ACTR3: variants seen among roughly 807,000 people sequenced by gnomAD.
ACTR3 encodes the protein actin-related protein 3.
Under a neutral mutation model 56.8 loss-of-function variants are expected in ACTR3, and 12 were observed. That is an observed-to-expected ratio of 0.21 (90% CI 0.14 to 0.34). The LOEUF is 0.34. Among genes scored for constraint, ACTR3 ranks in the 10% least tolerant of loss-of-function variants. ACTR3 has a pLI of 1.00. For missense variants in ACTR3, 282 were observed against 512.5 expected (o/e 0.55, Z 4.34); for synonymous variants, 162 against 167.4 (o/e 0.97, Z 0.25).
chr2:113,955,458 A>G (rs1439983310), intron 10 of ACTR3, 165 bp from the exon 11 acceptor site: 1 of 549,296 alleles, frequency 1.8e-6, no homozygotes, highest in East Asian at 3.1e-5. Flanking sequence ...CAGTGTTCCC[A>G]ACCCCTTTCC....
At chr2:113,951,298 A>G (rs1680116832) in intron 8 of ACTR3, 181 bp from the exon 9 acceptor site, 1 of 517,208 alleles carries the variant, frequency 1.9e-6, no homozygotes, top group South Asian at 2.7e-5. Flanking sequence ...AAAATGGTAT[A>G]TATCATCATA....
At chr2:113,937,537 C>CTTATAG (rs1285530752) in intron 6 of ACTR3, among the ~76,000 whole-genome samples, 1 of 152,208 alleles carries the variant, frequency 6.6e-6, no homozygotes, top group Non-Finnish European at 1.5e-5. Context: ...TAGTGCTGAT[C>CTTATAG]TGCTGGCTTT....
chr2:113,891,262 T>A (rs1265409497), intron 1 of ACTR3, among the ~76,000 whole-genome samples: 1 of 152,202 alleles, frequency 6.6e-6, no homozygotes, highest in Non-Finnish European at 1.5e-5. Flanking sequence ...ATTTAAGTTG[T>A]ATTCGTTCAT....
At chr2:113,931,945 T>C (rs1364173472) in intron 5 of ACTR3, among the ~76,000 whole-genome samples, 1 of 152,002 alleles carries the variant, frequency 6.6e-6, no homozygotes, top group African/African-American at 2.4e-5. Context: ...ACAAATGCTT[T>C]ATATGTGTAT....
At chr2:113,893,360 C>G (rs1296772850) in intron 1 of ACTR3, among the ~76,000 whole-genome samples, 1 of 151,994 alleles carries the variant, frequency 6.6e-6, no homozygotes, top group Non-Finnish European at 1.5e-5. Context: ...GTGGCACGAT[C>G]TCGGCTCACT....
chr2:113,957,073 A>G (rs866002508), intron 11 of ACTR3, among the ~76,000 whole-genome samples: 1 of 152,204 alleles, frequency 6.6e-6, no homozygotes, highest in African/African-American at 2.4e-5. Context: ...CAGACTGGAC[A>G]TTTGAGAACC....
chr2:113,952,942 T>C (rs534279488), intron 10 of ACTR3: 67 of 152,276 alleles, frequency 4.4e-4, no homozygotes, highest in African/African-American at 1.6e-3. Flanking sequence ...AAAGAAGTCA[T>C]TGGGTTTTGC....
intron 5 of ACTR3, 63 bp from the exon 6 acceptor site, chr2:113,934,216 A>G: frequency 1.8e-6 from 2 of 1,116,534 alleles, no homozygotes; most frequent in South Asian, 1.4e-5. Context: ...TTTTTCGATT[A>G]ACTCTTTGTT....
At chr2:113,911,354 A>G (rs924885960) in intron 1 of ACTR3, among the ~76,000 whole-genome samples, 6 of 151,142 alleles carry the variant, frequency 4.0e-5, no homozygotes, top group East Asian at 2.0e-4. Flanking sequence ...CAGTAGACCA[A>G]TATCACTTTT....
chr2:113,947,798 GT>G (rs745660397), intron 8 of ACTR3, among the ~76,000 whole-genome samples: 2 of 151,888 alleles, frequency 1.3e-5, no homozygotes, highest in Non-Finnish European at 2.9e-5. Context: ...AACCTTTATT[GT>G]TTCATACACC....
In ACTR3 at chr2:113,925,187, G is replaced by T. The variant is rs574970632; in HGVS notation, c.226-2158G>T. ...GCTGGGATTACAGGCGTGAGCCATC[G>T]TGCCACCTTTTTTTTTTTTTTTTTT... On this transcript the variant is annotated intron_variant, in intron 3 of 11. Coordinates refer to ENST00000263238, the MANE Select transcript of ACTR3 (RefSeq NM_005721.5). Among the ~76,000 whole-genome samples, 4 of 113,666 alleles carry T rather than the reference G, an allele frequency of 3.5e-5. No individual in the cohort carries two copies. The East Asian group carries it at 1.0e-3, about 29-fold the overall frequency. 74.6% of individuals were successfully genotyped at this position (113,666 alleles called of 152,430 possible).
In ACTR3 at chr2:113,927,349, C is replaced by T; in HGVS notation, c.230C>T (p.Pro77Leu). The part of the protein sequence containing the change: ...IEKPTYATKW[P>L]IRHGIVEDWD... ...TTTCCCTTTTTGTTTTAATAGTGGC[C>T]AATCCGCCATGGTATAGTTGAAGAT... The change falls in exon 4 of 12, where the codon CCA (proline) becomes CTA (leucine). Residue 77 changes from proline to leucine, a missense_variant. Physicochemically the swap from Pro to Leu is moderately conservative, Grantham distance 98. Transcript: ENST00000263238. The T allele has an allele frequency of 6.5e-7, 1 of 1,538,570 alleles. No homozygotes were observed. The highest frequency in any genetic ancestry group is 1.3e-5 in the South Asian group (1 of 75,858).
At chr2:113,916,266 T>C (rs1385459621) in intron 2 of ACTR3, among the ~76,000 whole-genome samples, 1 of 152,192 alleles carries the variant, frequency 6.6e-6, no homozygotes, top group Non-Finnish European at 1.5e-5. Context: ...TAAAAATACA[T>C]AACAAGTTTT....
rs1020853318 is a variant in ACTR3 at position 113,960,346 on chromosome 2, A to G, written c.*2891A>G. On this transcript the variant is annotated 3_prime_UTR_variant, in exon 12 of 12. Coordinates refer to ENST00000263238, the MANE Select transcript of ACTR3 (RefSeq NM_005721.5). Reference sequence around the variant, plus strand: ...GTGGTTATTCAGACCCCCCAATACAATTTTTTGGTTTGTTTTCACAGCTAC... The same window carrying G: ...GTGGTTATTCAGACCCCCCAATACAGTTTTTTGGTTTGTTTTCACAGCTAC... 6.6e-6 allele frequency: 1 copy of G among 151,812 alleles called. No homozygotes were observed. Among genetic ancestry groups the G allele is most frequent in the Non-Finnish European group, 1.5e-5 (1 of 67,844 alleles). 9.4% of individuals were successfully genotyped at this position (151,812 alleles called of 1,614,324 possible).
chr2:113,929,295 A>C (rs1006886467), intron 4 of ACTR3, among the ~76,000 whole-genome samples: 1 of 152,034 alleles, frequency 6.6e-6, no homozygotes, highest in Admixed American at 6.6e-5. Context: ...GGCCCGGGCC[A>C]CCACACCTGG....
At chr2:113,934,198 GT>G (rs781377267) in intron 5 of ACTR3, 80 bp from the exon 6 acceptor site, 21,877 of 587,732 alleles carry the variant, frequency 0.037, no homozygotes, top group East Asian at 0.051. Flanking sequence ...CAGGGAACTA[GT>G]TTTTTTTTTT....
chr2:113,962,171 TA>T lies in ACTR3; in HGVS notation c.*4717del, dbSNP rs1680336670. 1 of 152,054 alleles carries T rather than the reference TA, an allele frequency of 6.6e-6. No homozygotes were observed. Among genetic ancestry groups the T allele is most frequent in the Non-Finnish European group, 1.5e-5 (1 of 67,930 alleles). 9.4% of individuals were successfully genotyped at this position (152,054 alleles called of 1,614,324 possible). On this transcript the variant is annotated 3_prime_UTR_variant, in exon 12 of 12. Coordinates refer to ENST00000263238, the MANE Select transcript of ACTR3 (RefSeq NM_005721.5). ...ACTTTTTTTCTGTTCCACTAGTTTCTACCTTAGAAGTGACATTCTGCGTAAG... is the reference window on the plus strand; with the variant it reads ...ACTTTTTTTCTGTTCCACTAGTTTCTCCTTAGAAGTGACATTCTGCGTAAG...
intron 3 of ACTR3, 115 bp downstream of exon 3, chr2:113,917,123 A>T: frequency 1.1e-6 from 1 of 905,624 alleles, no homozygotes; most frequent in Admixed American, 4.2e-5. Context: ...ACCTCTTCTC[A>T]GTAGAAATTT....
At chr2:113,921,752 C>T (rs1013548366) in intron 3 of ACTR3, among the ~76,000 whole-genome samples, 2 of 152,104 alleles carry the variant, frequency 1.3e-5, no homozygotes, top group African/African-American at 2.4e-5. Flanking sequence ...GTTTGAGGTA[C>T]TTGTGAGACG....
Sources: gnomAD v4.1 joint callset for allele counts (sites outside exome capture counted in the v4.1 genomes callset) on GRCh38, gnomAD v4.1.1 for gene constraint, MANE v1.5 for transcripts, NCBI Gene and HGNC (gene_info 2026-07-23, HGNC 2026-07-21) for gene names.